The following NEK10 variants were observed in gnomAD, a reference collection of about 807,000 sequenced individuals.
NEK10 encodes serine/threonine-protein kinase Nek10.
In NEK10, 122 loss-of-function variants were observed where a neutral mutation model predicts 159.8. That is an observed-to-expected ratio of 0.76 (90% confidence interval 0.66 to 0.89). The LOEUF (loss-of-function observed/expected upper bound fraction) is 0.89, where lower values mean the gene tolerates loss of function less well. Among genes scored for constraint, NEK10 ranks in the 40% least tolerant of loss-of-function variants. NEK10 has a pLI of 0.00. For missense variants in NEK10, 1,342 were observed against 1,323.1 expected (o/e 1.01, Z -0.22); for synonymous variants, 466 against 457.1 (o/e 1.02, Z -0.25).
chr3:27,294,150 C>T lies in NEK10; in HGVS notation c.1309-498G>A, dbSNP rs1358804560. ...TTGAGTAAAGAGTCTTAAGCATTCC[C>T]CAAATAGAACAATCTACACTAACTC... is the stretch of plus-strand genomic sequence containing the variant. On this transcript the variant is annotated intron_variant, in intron 15 of 35. Coordinates refer to ENST00000691995, the MANE Select transcript of NEK10 (RefSeq NM_001394966.1). Among the ~76,000 whole-genome samples the T allele has an allele frequency of 2.6e-5, 4 of 152,020 alleles. No individual in the cohort carries two copies. In the East Asian group the frequency reaches 7.7e-4, roughly 29 times the overall value.
chr3:27,274,262 A>G (rs1007119086), intron 22 of NEK10, among the ~76,000 whole-genome samples: 9 of 152,126 alleles, frequency 5.9e-5, no homozygotes, highest in African/African-American at 2.2e-4. Flanking sequence ...TTATTGATGG[A>G]GTTATGATGA....
At chr3:27,236,288 A>T (rs1300168030) in intron 23 of NEK10, among the ~76,000 whole-genome samples, 1 of 152,198 alleles carries the variant, frequency 6.6e-6, no homozygotes, top group Non-Finnish European at 1.5e-5. Context: ...ACCTGAACTT[A>T]AAAGTTAAAA....
intron 22 of NEK10, among the ~76,000 whole-genome samples, chr3:27,274,615 T>TC (rs2041628597): frequency 1.3e-5 from 2 of 151,980 alleles, no homozygotes; most frequent in Non-Finnish European, 2.9e-5. Flanking sequence ...AGGGGTGCAC[T>TC]CTCTTTTTTT....
At chr3:27,242,132 T>C (rs1954622042) in intron 23 of NEK10, among the ~76,000 whole-genome samples, 1 of 152,332 alleles carries the variant, frequency 6.6e-6, no homozygotes, top group Non-Finnish European at 1.5e-5. Flanking sequence ...GGAGGCAGGA[T>C]CTCTAAAGCA....
chr3:27,298,795 C>A (rs1310955984), intron 13 of NEK10, among the ~76,000 whole-genome samples: 27 of 152,120 alleles, frequency 1.8e-4, no homozygotes, highest in Admixed American at 1.8e-3. Context: ...TATGTTTTAG[C>A]AAAGAGATTG....
intron 30 of NEK10, among the ~76,000 whole-genome samples, chr3:27,143,220 C>T (rs1177969702): frequency 6.6e-6 from 1 of 152,166 alleles, no homozygotes; most frequent in Non-Finnish European, 1.5e-5. Flanking sequence ...CAGTGTGTAA[C>T]ATGACCAAGT....
At chr3:27,305,077 TTGTAAGTCA>T (rs1408892955) in intron 11 of NEK10, 106 bp from the exon 12 acceptor site, 1 of 719,342 alleles carries the variant, frequency 1.4e-6, no homozygotes, top group African/African-American at 1.8e-5. Context: ...CCCTAACATT[TTGTAAGTCA>T]TGGGTCAATG....
chr3:27,203,585 C>T (rs1260980375), intron 23 of NEK10, among the ~76,000 whole-genome samples: 1 of 152,154 alleles, frequency 6.6e-6, no homozygotes, highest in East Asian at 1.9e-4. Context: ...AACACACACA[C>T]ACCCTAAATT....
intron 22 of NEK10, among the ~76,000 whole-genome samples, chr3:27,260,812 G>T (rs1330071397): frequency 1.3e-5 from 2 of 152,198 alleles, no homozygotes; most frequent in African/African-American, 4.8e-5. Context: ...GCTCTTCCTT[G>T]TACCTCTGGT....
chr3:27,299,654 C>T (rs139276764), intron 13 of NEK10, among the ~76,000 whole-genome samples: 109 of 152,276 alleles, frequency 7.2e-4, no homozygotes, highest in Non-Finnish European at 1.2e-3. Context: ...TGAAAGCAGC[C>T]GAGAGGGAAG....
At chr3:27,229,621 T>A (rs1953016474) in intron 23 of NEK10, among the ~76,000 whole-genome samples, 1 of 152,084 alleles carries the variant, frequency 6.6e-6, no homozygotes, top group Non-Finnish European at 1.5e-5. Context: ...GAAATTTTTT[T>A]AATCTAGGAA....
At chr3:27,212,891 G>A (rs1199154855) in intron 23 of NEK10, among the ~76,000 whole-genome samples, 1 of 152,182 alleles carries the variant, frequency 6.6e-6, no homozygotes, top group Non-Finnish European at 1.5e-5. Flanking sequence ...AATAGAGTGT[G>A]GAGGCAGGGA....
At chr3:27,279,837 T>C (rs962003133) in intron 22 of NEK10, among the ~76,000 whole-genome samples, 4 of 152,072 alleles carry the variant, frequency 2.6e-5, no homozygotes, top group Non-Finnish European at 5.9e-5. Flanking sequence ...TATTTGACAC[T>C]AGGAAAATAC....
intron 3 of NEK10, among the ~76,000 whole-genome samples, chr3:27,349,239 G>A (rs886910611): frequency 1.3e-5 from 2 of 152,044 alleles, no homozygotes; most frequent in Admixed American, 1.3e-4. Flanking sequence ...GAATAGAAAT[G>A]TCTAGTCACC....
intron 22 of NEK10, among the ~76,000 whole-genome samples, chr3:27,276,550 C>T (rs2041788341): frequency 6.6e-6 from 1 of 152,154 alleles, no homozygotes. Context: ...GGAAACTAAA[C>T]TTTATCTTAA....
intron 31 of NEK10, among the ~76,000 whole-genome samples, chr3:27,134,170 T>C (rs973568621): frequency 6.6e-6 from 1 of 151,860 alleles, no homozygotes; most frequent in East Asian, 1.9e-4. Context: ...TATATGTGTG[T>C]GAGAGAGAAA....
At position 27,115,922 on chromosome 3, in the gene NEK10, G is replaced by A. The variant is rs1230824608; in HGVS notation, c.3299+18C>T. 1 of 1,588,306 alleles carries A rather than the reference G, an allele frequency of 6.3e-7. No homozygotes were observed. The highest frequency in any genetic ancestry group is 8.6e-7 in the Non-Finnish European group (1 of 1,159,034). On this transcript the variant is annotated intron_variant, in intron 35 of 35. Transcript: ENST00000691995. ...CTCAATTCATCTTTCACAATTGAAG[G>A]CAAACTCTAGCTCTTACCTGTTAGA...
intron 23 of NEK10, among the ~76,000 whole-genome samples, chr3:27,227,062 A>T (rs915000621): frequency 2.6e-5 from 4 of 152,174 alleles, no homozygotes; most frequent in Non-Finnish European, 5.9e-5. Context: ...TTATTCATTC[A>T]TTCATTTATT....
At chr3:27,268,269 AC>A (rs1196383927) in intron 22 of NEK10, among the ~76,000 whole-genome samples, 1 of 152,230 alleles carries the variant, frequency 6.6e-6, no homozygotes, top group Non-Finnish European at 1.5e-5. Context: ...TCTGGCTAAG[AC>A]AGTTGATGAA....
Sources: allele counts gnomAD v4.1 joint callset (sites outside exome capture counted in the v4.1 genomes callset), GRCh38; gene constraint gnomAD v4.1.1; transcripts MANE v1.5; gene names NCBI Gene and HGNC (gene_info 2026-07-23, HGNC 2026-07-21).